Variants in SHANK1 observed in about 807,000 individuals in gnomAD.
SHANK1 encodes SH3 and multiple ankyrin repeat domains 1.
In SHANK1, 35 loss-of-function variants were observed where a neutral mutation model predicts 165.6. The ratio of observed to expected loss-of-function variants is 0.21; its 90% CI spans 0.16 to 0.28. The LOEUF is 0.28. SHANK1 is among the 10% of genes least tolerant of loss of function. SHANK1 has a pLI of 1.00. For missense variants in SHANK1, 2,681 were observed against 3,036.4 expected, an observed-to-expected ratio of 0.88 and a Z score of 2.75; for synonymous variants, 1,428 against 1,384.8, an observed-to-expected ratio of 1.03 and a Z score of -0.69.
rs929098602 is a variant in SHANK1, at chr19:50,712,027, G to T, written c.880C>A (p.Pro294Thr). ...LFHTAMVGGDPRCCELLLFNR... is the reference protein window; with the variant it reads ...LFHTAMVGGDTRCCELLLFNR... The stretch of plus-strand genomic sequence containing the variant: ...AACAGGAGCAGCTCGCAGCATCGGG[G>T]GTCACCACCCACCATGGCCGTGTGG... The change falls in exon 7 of 24, where the codon CCC becomes ACC. Residue 294 changes from proline to threonine, a missense_variant. By Grantham distance (38) the Pro-to-Thr change is conservative. Transcript: ENST00000293441. 1 of 1,613,866 alleles carries T rather than the reference G, an allele frequency of 6.2e-7. No homozygotes were observed. The highest frequency in any genetic ancestry group is 1.3e-5 in the African/African-American group (1 of 74,934).
intron 21 of SHANK1, among the ~76,000 whole-genome samples, chr19:50,678,787 G>T (rs1252055278): frequency 6.7e-5 from 3 of 45,106 alleles, no homozygotes; most frequent in Non-Finnish European, 4.2e-5. Flanking sequence ...GAGGGGTCAG[G>T]GTGATGGGGA....
intron 15 of SHANK1, among the ~76,000 whole-genome samples, chr19:50,689,697 G>T (rs940230079): frequency 2.6e-4 from 40 of 152,174 alleles, no homozygotes; most frequent in Admixed American, 2.2e-3. Context: ...GGCTATCACA[G>T]ATCCTACCTG....
Position 50,716,600 on chromosome 19 carries a change from T to C in SHANK1, c.255+65A>G. On this transcript the variant is annotated intron_variant, in intron 2 of 23. Coordinates refer to ENST00000293441, the MANE Select transcript of SHANK1 (RefSeq NM_016148.5). The surrounding 1 kb of genome is among the most constrained non-coding windows in gnomAD (Gnocchi z 8.4). ...TTCCTGGGAGGATACCCAGCACCAG[T>C]GGACTCCCCATGTCGGTTGGGGCAC... 1 of 1,554,870 alleles carries C rather than the reference T, an allele frequency of 6.4e-7. No individual in the cohort carries two copies.
intron 21 of SHANK1, among the ~76,000 whole-genome samples, chr19:50,683,834 G>A (rs565455369): frequency 3.2e-4 from 49 of 152,192 alleles, no homozygotes; most frequent in Non-Finnish European, 5.6e-4. Flanking sequence ...AAATTTCAGC[G>A]AGTAGGCAAA....
At position 50,704,223 on chromosome 19, in the gene SHANK1, G is replaced by A. The variant is rs113010495; in HGVS notation, c.1156-37C>T. On this transcript the variant is annotated intron_variant, in intron 9 of 23. Coordinates refer to ENST00000293441, the MANE Select transcript of SHANK1 (RefSeq NM_016148.5). ...GGGTAGAGGCAGGTCGGCCAGGGGG[G>A]CCCAGGCAGCAGAGAGAGGGCAGGG... 44 of 1,599,350 alleles carry A rather than the reference G, an allele frequency of 2.8e-5. No individual in the cohort carries two copies. The African/African-American group carries it at 3.5e-4, about 13-fold the overall frequency.
At position 50,688,209 on chromosome 19, in the gene SHANK1, TC is replaced by T; in HGVS notation, c.2173-152del. The T allele has an allele frequency of 1.0e-6, 1 of 971,250 alleles. No homozygotes were observed. Among genetic ancestry groups the T allele is most frequent in the Non-Finnish European group, 1.5e-6 (1 of 662,472 alleles). 60.2% of individuals were successfully genotyped at this position (971,250 alleles called of 1,614,324 possible). On this transcript the variant is annotated intron_variant, in intron 17 of 23. Coordinates refer to ENST00000293441, the MANE Select transcript of SHANK1 (RefSeq NM_016148.5). The surrounding 1 kb of genome is among the most constrained non-coding windows in gnomAD (Gnocchi z 6.7). ...CCCTCCGACCCTTCATACCACCGCC[TC>T]CCTGGGCAAGCCCCCTTTCCCACCC... is the stretch of plus-strand genomic sequence containing the variant.
At position 50,669,051 on chromosome 19, in the gene SHANK1, A is replaced by T; in HGVS notation, c.2909T>A (p.Phe970Tyr). 1.0e-6 allele frequency: 1 copy of T among 980,874 alleles called. No individual in the cohort carries two copies. Among genetic ancestry groups the T allele is most frequent in the Non-Finnish European group, 1.5e-6 (1 of 684,056 alleles). The allele number at this position is 980,874 out of a possible 1,614,324, so 60.8% of individuals were successfully genotyped here. Residue 970 changes from phenylalanine to tyrosine, a missense_variant, in exon 23 of 24, where the codon TTT becomes TAT. Coordinates refer to ENST00000293441, the MANE Select transcript of SHANK1 (RefSeq NM_016148.5). ...GPLPASSPAS[F>Y]DGPSPPDTRV... ...AGTGTCGGGAGGGGAGGGCCCGTCAAAGGATGCAGGGGAGGAGGCGGGGAG... is the reference window on the plus strand; with the variant it reads ...AGTGTCGGGAGGGGAGGGCCCGTCATAGGATGCAGGGGAGGAGGCGGGGAG...
At position 50,662,524 on chromosome 19, in the gene SHANK1, G is replaced by A. The variant is rs2123059535; in HGVS notation, c.5927C>T (p.Ser1976Phe). ...CTGGAGGTGGCGGGTGGACGTGGAG[G>A]AGGAGGAGGCTGAGGGTGAGGTGGC... is the stretch of plus-strand genomic sequence containing the variant. ...PGATSPSASS[S>F]STSTRHLQGV... is the part of the protein sequence containing the mutation. Residue 1976 changes from serine to phenylalanine, a missense_variant, in exon 24 of 24, where the codon TCC (serine) becomes TTC (phenylalanine). Physicochemically the swap from Ser to Phe is radical, Grantham distance 155. Coordinates refer to ENST00000293441, the MANE Select transcript of SHANK1 (RefSeq NM_016148.5). This position sits in a 1 kb window ranked among gnomAD's most constrained non-coding sequence, Gnocchi z 7.7. 1 of 1,559,434 alleles carries A rather than the reference G, an allele frequency of 6.4e-7. No individual in the cohort carries two copies. The highest frequency in any genetic ancestry group is 8.7e-7 in the Non-Finnish European group (1 of 1,151,594).
Position 50,688,797 on chromosome 19 carries a change from G to A in SHANK1, c.2172+47C>T, listed in dbSNP as rs752630473. ...CCTGGTGTGAATCATGAGGGGGTCT[G>A]GGAACTTGTCACAGGGTCCCAGGGA... On this transcript the variant is annotated intron_variant, in intron 17 of 23. Coordinates refer to ENST00000293441, the MANE Select transcript of SHANK1 (RefSeq NM_016148.5). This position sits in a 1 kb window ranked among gnomAD's most constrained non-coding sequence, Gnocchi z 6.7. 3.2e-6 allele frequency: 5 copies of A among 1,581,528 alleles called. No individual in the cohort carries two copies. The South Asian group carries it at 4.6e-5, about 15-fold the overall frequency.
At chr19:50,681,602 C>T (rs933596922) in intron 21 of SHANK1, among the ~76,000 whole-genome samples, 10 of 152,030 alleles carry the variant, frequency 6.6e-5, no homozygotes, top group East Asian at 1.9e-4. Context: ...AGGAGCTCTG[C>T]GCATTTGTTG....
Position 50,713,962 on chromosome 19 carries a change from A to T in SHANK1, c.641-13T>A. 1 of 1,613,334 alleles carries T rather than the reference A, an allele frequency of 6.2e-7. No homozygotes were observed. The highest frequency in any genetic ancestry group is 8.5e-7 in the Non-Finnish European group (1 of 1,179,620). ...GTCAAGGGGGTCTCTGAAGGGCGGG[A>T]AAAGCTGGTCACATGAAGCCCCTTC... On this transcript the variant is annotated splice_polypyrimidine_tract_variant and intron_variant, in intron 5 of 23. Coordinates refer to ENST00000293441, the MANE Select transcript of SHANK1 (RefSeq NM_016148.5). This position sits in a 1 kb window ranked among gnomAD's most constrained non-coding sequence, Gnocchi z 6.2.
chr19:50,703,576 G>A lies in SHANK1; in HGVS notation c.1477C>T (p.Arg493Trp), dbSNP rs749787844. 1.8e-5 allele frequency: 28 copies of A among 1,555,468 alleles called. 1 individual carries two copies. The highest frequency in any genetic ancestry group is 3.5e-5 in the South Asian group (3 of 84,930). ...SGTLRSASSPRGARARSPSRG... is the reference protein window; with the variant it reads ...SGTLRSASSPWGARARSPSRG... ...GATGGAGAGCGGGCCCTGGCACCCC[G>A]GGGGCTGCTGGCACTTCGGAGGGTC... The change falls in exon 11 of 24, where the codon CGG becomes TGG. Residue 493 changes from arginine to tryptophan, a missense_variant. Arg to Trp is a moderately radical substitution (Grantham distance 101). Around this residue, in one of 10 missense-constraint regions of SHANK1, gnomAD observed 195 missense variants for 186.2 expected, o/e 1.05. Coordinates refer to ENST00000293441, the MANE Select transcript of SHANK1 (RefSeq NM_016148.5).
rs1986360968 is a variant in SHANK1 at position 50,686,929 on chromosome 19, G to A, written c.2390-117C>T. The A allele has an allele frequency of 2.2e-6, 3 of 1,373,278 alleles. No individual in the cohort carries two copies. The highest frequency in any genetic ancestry group is 1.5e-5 in the African/African-American group (1 of 66,952). The allele number at this position is 1,373,278 out of a possible 1,614,324, so 85.1% of individuals were successfully genotyped here. A position where few individuals can be genotyped will look rare whatever the true frequency, so the allele number is the denominator to read the frequency against. On this transcript the variant is annotated intron_variant, in intron 19 of 23. Transcript: ENST00000293441. This position sits in a 1 kb window ranked among gnomAD's most constrained non-coding sequence, Gnocchi z 5.7. Reference sequence around the variant, plus strand: ...CAGTGGGCGTGGCGGGCGCGAGAGGGGCAGTGAGGGGCCGGGGTCAGGGAG... The same window carrying A: ...CAGTGGGCGTGGCGGGCGCGAGAGGAGCAGTGAGGGGCCGGGGTCAGGGAG...
In SHANK1 at chr19:50,686,886, T is replaced by G. The variant is rs1397499339; in HGVS notation, c.2390-74A>C. On this transcript the variant is annotated intron_variant, in intron 19 of 23. Coordinates refer to ENST00000293441, the MANE Select transcript of SHANK1 (RefSeq NM_016148.5). This position sits in a 1 kb window ranked among gnomAD's most constrained non-coding sequence, Gnocchi z 5.7. ...GCGGAGCGGGCTCGGCCTGTGGGCG[T>G]GGCCAGCAGGTGCGGGCCAGTGGGC... 3.2e-6 allele frequency: 5 copies of G among 1,557,632 alleles called. No homozygotes were observed. Among genetic ancestry groups the G allele is most frequent in the Non-Finnish European group, 4.4e-6 (5 of 1,144,082 alleles).
In SHANK1 at chr19:50,692,526, A is replaced by G. The variant is rs142006544; in HGVS notation, c.1965-3247T>C. Among the ~76,000 whole-genome samples, 151 of 150,028 alleles carry G rather than the reference A, an allele frequency of 1.0e-3. 1 individual carries two copies. The highest frequency in any genetic ancestry group is 1.8e-3 in the Non-Finnish European group (122 of 67,582). On this transcript the variant is annotated intron_variant, in intron 15 of 23. Coordinates refer to ENST00000293441, the MANE Select transcript of SHANK1 (RefSeq NM_016148.5). ...CAGGGAGGGGGGTCCAACCACATCC[A>G]GACCCACCCTGTTCCTGCTTCTGCT...
rs2089086184 is a variant in SHANK1, at chr19:50,717,759, C to T, written c.-43-797G>A. Among the ~76,000 whole-genome samples, 1 of 151,882 alleles carries T rather than the reference C, an allele frequency of 6.6e-6. No individual in the cohort carries two copies. Among genetic ancestry groups the T allele is most frequent in the Admixed American group, 6.6e-5 (1 of 15,248 alleles). ...TGGCCCGGGTAGATGTGGGTGGCTG[C>T]AGATGACCTGTAGCTCTTTTCTAGG... On this transcript the variant is annotated intron_variant, in intron 1 of 23. Transcript: ENST00000293441. This position sits in a 1 kb window ranked among gnomAD's most constrained non-coding sequence, Gnocchi z 5.5.
rs945866765 is a variant in SHANK1, at chr19:50,684,506, G to A, written c.2577+1731C>T. On this transcript the variant is annotated intron_variant, in intron 21 of 23. Transcript: ENST00000293441. Reference sequence around the variant, plus strand: ...CTCCCAAAGTGCTAGGATTACAGGCGTGAGCCACCAAGCCCAGCCTCCTAC... The same window carrying A: ...CTCCCAAAGTGCTAGGATTACAGGCATGAGCCACCAAGCCCAGCCTCCTAC... Among the ~76,000 whole-genome samples, 6 of 152,140 alleles carry A rather than the reference G, an allele frequency of 3.9e-5. No homozygotes were observed. In the East Asian group the frequency reaches 7.7e-4, roughly 19 times the overall value.
Position 50,686,202 on chromosome 19 carries a change from C to A in SHANK1, c.2577+35G>T, listed in dbSNP as rs771822704. 21 of 1,294,342 alleles carry A rather than the reference C, an allele frequency of 1.6e-5. No homozygotes were observed. The highest frequency in any genetic ancestry group is 3.9e-4 in the Middle Eastern group (2 of 5,156). The allele number at this position is 1,294,342 out of a possible 1,614,324, so 80.2% of individuals were successfully genotyped here. A position where few individuals can be genotyped will look rare whatever the true frequency, so the allele number is the denominator to read the frequency against. The stretch of plus-strand genomic sequence containing the variant: ...CCAGGTTGGTGTGTGAACCGCCTCC[C>A]CCCTGGCAGTTCCTCCCCACACCAG... On this transcript the variant is annotated intron_variant, in intron 21 of 23. Transcript: ENST00000293441. This position sits in a 1 kb window ranked among gnomAD's most constrained non-coding sequence, Gnocchi z 5.7.
In SHANK1 at chr19:50,686,359, G is replaced by T. The variant is rs754635500; in HGVS notation, c.2459-4C>A. The T allele has an allele frequency of 7.6e-6, 12 of 1,578,812 alleles. No homozygotes were observed. The highest frequency in any genetic ancestry group is 8.6e-6 in the Non-Finnish European group (10 of 1,158,532). ...GCCAGGATTTCGTCCAGTTTGTCTAGGGGTAGATGAATGAACAGAGGTGGG... is the reference window on the plus strand; with the variant it reads ...GCCAGGATTTCGTCCAGTTTGTCTATGGGTAGATGAATGAACAGAGGTGGG... On this transcript the variant is annotated splice_polypyrimidine_tract_variant and splice_region_variant and intron_variant, in intron 20 of 23. Coordinates refer to ENST00000293441, the MANE Select transcript of SHANK1 (RefSeq NM_016148.5). This position sits in a 1 kb window ranked among gnomAD's most constrained non-coding sequence, Gnocchi z 5.7.
Sources: allele counts gnomAD v4.1 joint callset (sites outside exome capture counted in the v4.1 genomes callset), GRCh38; gene constraint gnomAD v4.1.1; regional missense constraint gnomAD v4.1.1; non-coding constraint Gnocchi (gnomAD v3.1); transcripts MANE v1.5; gene names NCBI Gene and HGNC (gene_info 2026-07-23, HGNC 2026-07-21).